Variants in ADAM17 observed in about 807,000 individuals in gnomAD.
The protein encoded by ADAM17 is disintegrin and metalloproteinase domain-containing protein 17.
A neutral mutation model predicts 96.7 loss-of-function variants in ADAM17; 39 were observed. The observed-to-expected ratio is 0.40, with a 90% CI of 0.31 to 0.53. The LOEUF (loss-of-function observed/expected upper bound fraction) is 0.53. Ranked by LOEUF, ADAM17 falls within the 20% of genes least tolerant of loss-of-function variation. ADAM17 has a pLI of 0.44. For missense variants in ADAM17, 777 were observed against 1,013.2 expected (o/e 0.77, Z 3.17); for synonymous variants, 344 against 359.2 (o/e 0.96, Z 0.48).
At chr2:9,527,115 G>C (rs1664561074) in intron 5 of ADAM17, among the ~76,000 whole-genome samples, 1 of 152,076 alleles carries the variant, frequency 6.6e-6, no homozygotes, top group Non-Finnish European at 1.5e-5. Context: ...TTGAGGCCAG[G>C]AGTTTGAGAA....
Position 9,488,781 on chromosome 2 carries a change from T to C in ADAM17, c.*1396A>G, listed in dbSNP as rs1298579100. The C allele has an allele frequency of 6.6e-6, 1 of 152,326 alleles. No individual in the cohort carries two copies. Among genetic ancestry groups the C allele is most frequent in the African/African-American group, 2.4e-5 (1 of 41,432 alleles). The allele number at this position is 152,326 out of a possible 1,614,324, so 9.4% of individuals were successfully genotyped here. A position where few individuals can be genotyped will look rare whatever the true frequency, so the allele number is the denominator to read the frequency against. On this transcript the variant is annotated 3_prime_UTR_variant, in exon 19 of 19. Coordinates refer to ENST00000310823, the MANE Select transcript of ADAM17 (RefSeq NM_003183.6). ...AGTTCAAGTATTAGTATAACAAGTA[T>C]CTGAGTAACAAATGTCCTTGGAAAT...
At chr2:9,541,800 G>A (rs1036529061) in intron 2 of ADAM17, among the ~76,000 whole-genome samples, 2 of 152,008 alleles carry the variant, frequency 1.3e-5, no homozygotes, top group African/African-American at 4.8e-5. Flanking sequence ...AGCACTTTGG[G>A]AGGCCGAGAT....
At chr2:9,537,251 A>G (rs990763382) in intron 2 of ADAM17, among the ~76,000 whole-genome samples, 1 of 152,202 alleles carries the variant, frequency 6.6e-6, no homozygotes, top group African/African-American at 2.4e-5. Context: ...CCCACTTCAC[A>G]CAAGTACAAA....
chr2:9,501,272 G>C (rs1466914521), intron 13 of ADAM17, among the ~76,000 whole-genome samples: 6 of 152,156 alleles, frequency 3.9e-5, no homozygotes, highest in Non-Finnish European at 7.3e-5. Context: ...GTAAGAACAA[G>C]AGATTACTTT....
chr2:9,532,286 G>A (rs2125031218), intron 4 of ADAM17, among the ~76,000 whole-genome samples: 1 of 152,024 alleles, frequency 6.6e-6, no homozygotes, highest in East Asian at 1.9e-4. Flanking sequence ...GTTCTAGGGT[G>A]GTACATCTCA....
rs780456503 is a variant in ADAM17 at position 9,527,767 on chromosome 2, T to TA, written c.619+18dup. The TA allele has an allele frequency of 4.1e-6, 6 of 1,480,442 alleles. No individual in the cohort carries two copies. Among genetic ancestry groups the TA allele is most frequent in the Non-Finnish European group, 5.4e-6 (6 of 1,112,734 alleles). 91.7% of individuals were successfully genotyped at this position (1,480,442 alleles called of 1,614,324 possible). ...TAGTATGTTTGTTTCTTATTTGAAATACACTCTTTAAGTCTTACCTTCAGG... is the reference window on the plus strand; with the variant it reads ...TAGTATGTTTGTTTCTTATTTGAAATAACACTCTTTAAGTCTTACCTTCAGG... On this transcript the variant is annotated intron_variant, in intron 5 of 18. Transcript: ENST00000310823.
chr2:9,530,886 C>T (rs1224090026), intron 4 of ADAM17, among the ~76,000 whole-genome samples: 1 of 152,160 alleles, frequency 6.6e-6, no homozygotes, highest in Non-Finnish European at 1.5e-5. Context: ...TTAAGGGCTA[C>T]AGGGTATTTT....
chr2:9,526,374 C>A, intron 5 of ADAM17, 130 bp from the exon 6 acceptor site: 4 of 927,958 alleles, frequency 4.3e-6, no homozygotes, highest in African/African-American at 1.7e-5. Flanking sequence ...GGATTCTGAA[C>A]AACAACAAAA....
intron 10 of ADAM17, among the ~76,000 whole-genome samples, chr2:9,510,346 C>G (rs1344744809): frequency 1.3e-5 from 2 of 152,096 alleles, no homozygotes; most frequent in Non-Finnish European, 1.5e-5. Context: ...CAGGGAGACC[C>G]TATCTCTACA....
At chr2:9,501,437 G>A (rs144484658) in intron 13 of ADAM17, among the ~76,000 whole-genome samples, 2 of 152,270 alleles carry the variant, frequency 1.3e-5, no homozygotes, top group Non-Finnish European at 2.9e-5. Flanking sequence ...TCAGTACCCA[G>A]AGAAACACAC....
intron 2 of ADAM17, among the ~76,000 whole-genome samples, chr2:9,540,747 G>A (rs1665174669): frequency 6.6e-6 from 1 of 151,986 alleles, no homozygotes; most frequent in African/African-American, 2.4e-5. Flanking sequence ...AGTCAAAAGA[G>A]ATAAAAAGGC....
In ADAM17 at chr2:9,538,049, TG is replaced by T. The variant is rs534632301; in HGVS notation, c.231-1222del. ...GGGGGTATACACTTCAGTTCTTTAGTGGGCTTACTATTCTTTTTGTTGAGTT... is the reference window on the plus strand; with the variant it reads ...GGGGGTATACACTTCAGTTCTTTAGTGGCTTACTATTCTTTTTGTTGAGTT... On this transcript the variant is annotated intron_variant, in intron 2 of 18. Coordinates refer to ENST00000310823, the MANE Select transcript of ADAM17 (RefSeq NM_003183.6). Among the ~76,000 whole-genome samples the T allele has an allele frequency of 5.1e-3, 744 of 145,296 alleles. 3 individuals carry two copies. Among genetic ancestry groups the T allele is most frequent in the Non-Finnish European group, 9.0e-3 (597 of 66,172 alleles).
At chr2:9,498,845 G>A (rs1209895382) in intron 13 of ADAM17, among the ~76,000 whole-genome samples, 2 of 152,172 alleles carry the variant, frequency 1.3e-5, no homozygotes, top group Non-Finnish European at 2.9e-5. Flanking sequence ...TTGAGCATCT[G>A]TTCTTAAAAG....
At chr2:9,542,322 C>T (rs971207421) in intron 2 of ADAM17, among the ~76,000 whole-genome samples, 1 of 152,146 alleles carries the variant, frequency 6.6e-6, no homozygotes, top group Non-Finnish European at 1.5e-5. Flanking sequence ...GAAAGACCAC[C>T]TGAGCCCAGA....
intron 2 of ADAM17, among the ~76,000 whole-genome samples, chr2:9,540,047 G>C (rs558161600): frequency 1.4e-4 from 22 of 152,072 alleles, no homozygotes; most frequent in Non-Finnish European, 3.2e-4. Context: ...AAGTGGCTAC[G>C]ATTTAATATT....
At chr2:9,508,467 A>G (rs1011585547) in intron 11 of ADAM17, among the ~76,000 whole-genome samples, 2 of 152,236 alleles carry the variant, frequency 1.3e-5, no homozygotes, top group Non-Finnish European at 2.9e-5. Context: ...ATCCATTTCA[A>G]GTATATAACT....
intron 7 of ADAM17, 152 bp downstream of exon 7, chr2:9,523,097 A>G: frequency 3.4e-6 from 2 of 587,288 alleles, no homozygotes; most frequent in Non-Finnish European, 5.8e-6. Context: ...TAACATCAAA[A>G]ATACTGCACA....
In ADAM17 at chr2:9,536,735, A is replaced by G. The variant is rs1019783756; in HGVS notation, c.324T>C (p.Thr108=). Reference sequence around the variant, plus strand: ...CAGTGAAGAAGTCCTGCCATTTTACAGTGTACTCGCTTTCGTTTTTACCAT... The same window carrying G: ...CAGTGAAGAAGTCCTGCCATTTTACGGTGTACTCGCTTTCGTTTTTACCAT... The part of the protein sequence containing the change: ...VVDGKNESEY[T]VKWQDFFTGH... The change falls in exon 3 of 19, where the codon ACT becomes ACC. Residue 108 remains threonine (T), a synonymous_variant. Coordinates refer to ENST00000310823, the MANE Select transcript of ADAM17 (RefSeq NM_003183.6). 5 of 1,614,000 alleles carry G rather than the reference A, an allele frequency of 3.1e-6. No homozygotes were observed. Among genetic ancestry groups the G allele is most frequent in the Non-Finnish European group, 3.4e-6 (4 of 1,180,002 alleles).
chr2:9,542,035 C>A (rs1029524601), intron 2 of ADAM17, among the ~76,000 whole-genome samples: 2 of 151,980 alleles, frequency 1.3e-5, no homozygotes, highest in African/African-American at 2.4e-5. Context: ...GCAAGACTCT[C>A]AAAAAAATAA....
Sources: gnomAD v4.1 joint callset for allele counts (sites outside exome capture counted in the v4.1 genomes callset) on GRCh38, gnomAD v4.1.1 for gene constraint, MANE v1.5 for transcripts, NCBI Gene and HGNC (gene_info 2026-07-23, HGNC 2026-07-21) for gene names.